The following TNRC6B variants were observed in gnomAD, a reference collection of about 807,000 sequenced individuals.
The protein encoded by TNRC6B is trinucleotide repeat-containing gene 6B protein.
TNRC6B carries 52 observed loss-of-function variants against 203.6 expected under a neutral mutation model. The observed-to-expected ratio is 0.26, with a 90% CI of 0.20 to 0.32. The LOEUF (loss-of-function observed/expected upper bound fraction) is 0.32, where lower values mean the gene tolerates loss of function less well. Among genes scored for constraint, TNRC6B ranks in the 10% least tolerant of loss-of-function variants. The probability of loss-of-function intolerance (pLI) is 1.00; values close to 1 mark genes in which losing one functional copy is unlikely to be tolerated. For missense variants in TNRC6B, 1,923 were observed against 2,286.2 expected (o/e 0.84, Z 3.24); for synonymous variants, 838 against 845.7 (o/e 0.99, Z 0.16).
Position 40,170,877 on chromosome 22 carries a change from ATG to A in TNRC6B, c.113+14701_113+14702del, listed in dbSNP as rs1441976709. ...TGTATATATACATATATGTACATAT[ATG>A]TGTGTATACATATATACCTATATAT... On this transcript the variant is annotated intron_variant, in intron 4 of 23. Coordinates refer to the TNRC6B transcript ENST00000301923. Among the ~76,000 whole-genome samples the A allele has an allele frequency of 3.7e-5, 5 of 133,720 alleles. No homozygotes were observed. In the South Asian group the frequency reaches 7.0e-4, roughly 19 times the overall value. The allele number at this position is 133,720 out of a possible 152,430, so 87.7% of individuals were successfully genotyped here.
chr22:40,203,515 T>A (rs2069440223), intron 1 of TNRC6B, among the ~76,000 whole-genome samples: 1 of 152,058 alleles, frequency 6.6e-6, no homozygotes, highest in Non-Finnish European at 1.5e-5. Context: ...GAAGGAAAAC[T>A]GAAGAAGGTA....
intron 3 of TNRC6B, among the ~76,000 whole-genome samples, chr22:40,133,603 T>A (rs1162485142): frequency 6.6e-6 from 1 of 151,992 alleles, no homozygotes; most frequent in East Asian, 1.9e-4. Context: ...GTTTCATGGT[T>A]TTTATTGGTT....
chr22:40,175,870 C>T (rs966310300), upstream of TNRC6B, among the ~76,000 whole-genome samples: 1 of 152,198 alleles, frequency 6.6e-6, no homozygotes, highest in African/African-American at 2.4e-5. Flanking sequence ...CCTTTCCTGT[C>T]GTCATATCTG....
At chr22:40,112,338 G>A (rs139890845) in intron 1 of TNRC6B, among the ~76,000 whole-genome samples, 21 of 152,282 alleles carry the variant, frequency 1.4e-4, no homozygotes, top group East Asian at 9.6e-4. Flanking sequence ...AGTTCAATCC[G>A]TGAAGCCAAG....
intron 2 of TNRC6B, among the ~76,000 whole-genome samples, chr22:40,247,809 C>G (rs1428012444): frequency 6.6e-6 from 1 of 152,142 alleles, no homozygotes; most frequent in Non-Finnish European, 1.5e-5. Flanking sequence ...GTGGCTCATG[C>G]CTGTAATCCC....
intron 12 of TNRC6B, among the ~76,000 whole-genome samples, chr22:40,288,364 T>A (rs1223336698): frequency 6.6e-6 from 1 of 152,182 alleles, no homozygotes; most frequent in African/African-American, 2.4e-5. Flanking sequence ...CTGTAGACAA[T>A]ATACTATTAA....
At chr22:40,205,057 T>G (rs2069462506) in intron 1 of TNRC6B, among the ~76,000 whole-genome samples, 1 of 152,208 alleles carries the variant, frequency 6.6e-6, no homozygotes, top group African/African-American at 2.4e-5. Context: ...CATATGTTAA[T>G]TTTCACAATG....
intron 4 of TNRC6B, among the ~76,000 whole-genome samples, chr22:40,263,607 G>T (rs773845833): frequency 6.6e-6 from 1 of 152,174 alleles, no homozygotes; most frequent in Non-Finnish European, 1.5e-5. Flanking sequence ...ACTTCAAATT[G>T]ATTAAAAGCT....
chr22:40,045,293 G>C lies in TNRC6B; in HGVS notation c.-121+295G>C, dbSNP rs560446455. Among the ~76,000 whole-genome samples the C allele has an allele frequency of 6.7e-3, 992 of 147,106 alleles. 4 individuals are homozygous for C. The highest frequency in any genetic ancestry group is 0.011 in the Admixed American group (164 of 14,900). On this transcript the variant is annotated intron_variant, in intron 1 of 23. Transcript: ENST00000301923. ...GTCGAGGGGCGGGGAGGGACTCGGG[G>C]CGACGTCCGGCGCGCGGGCCGGGGC...
intron 1 of TNRC6B, among the ~76,000 whole-genome samples, chr22:40,205,687 A>G (rs1190699442): frequency 6.6e-6 from 1 of 152,220 alleles, no homozygotes; most frequent in Non-Finnish European, 1.5e-5. Flanking sequence ...GGTTTACTGT[A>G]TTATCTAATT....
chr22:40,222,724 C>CTTT (rs1569027045), intron 1 of TNRC6B, among the ~76,000 whole-genome samples: 2 of 91,518 alleles, frequency 2.2e-5, no homozygotes, highest in South Asian at 4.3e-4. Context: ...TTCTCTCTCT[C>CTTT]TCTCTTTTTT....
At chr22:40,105,187 G>A (rs1389271065) in intron 1 of TNRC6B, among the ~76,000 whole-genome samples, 4 of 152,192 alleles carry the variant, frequency 2.6e-5, no homozygotes, top group Non-Finnish European at 5.9e-5. Context: ...CAGGCCATCC[G>A]AGGAATTTGG....
rs1197559673 is a variant in TNRC6B at position 40,281,233 on chromosome 22, G to A, written c.3526G>A (p.Val1176Ile). ...TCCCTCTGGTTCCACACTACCCAACGTCAGCCTTGGAGCAATCGGCACAGG... is the reference window on the plus strand; with the variant it reads ...TCCCTCTGGTTCCACACTACCCAACATCAGCCTTGGAGCAATCGGCACAGG... Reference protein sequence around the residue: ...LSPSGSTLPNVSLGAIGTGLN... With the variant: ...LSPSGSTLPNISLGAIGTGLN... The change falls in exon 11 of 23, where the codon GTC (valine) becomes ATC (isoleucine). Residue 1176 changes from valine (V) to isoleucine (I), a missense_variant. By Grantham distance (29) the Val-to-Ile change is conservative. Coordinates refer to ENST00000454349, the MANE Select transcript of TNRC6B (RefSeq NM_001162501.2). 8 of 1,551,372 alleles carry A rather than the reference G, an allele frequency of 5.2e-6. No individual in the cohort carries two copies. Among genetic ancestry groups the A allele is most frequent in the South Asian group, 1.2e-5 (1 of 84,004 alleles).
chr22:40,332,814 T>C lies in TNRC6B; in HGVS notation c.*9573T>C, dbSNP rs1162886888. ...GATTATCCTTTTTAAAATATGAACA[T>C]GTAAATAGCAGGATAACTTTAAAAA... On this transcript the variant is annotated 3_prime_UTR_variant, in exon 23 of 23. Coordinates refer to ENST00000454349, the MANE Select transcript of TNRC6B (RefSeq NM_001162501.2). The C allele has an allele frequency of 6.6e-6, 1 of 152,642 alleles. No individual in the cohort carries two copies. Among genetic ancestry groups the C allele is most frequent in the Non-Finnish European group, 1.5e-5 (1 of 68,032 alleles). 9.5% of individuals were successfully genotyped at this position (152,642 alleles called of 1,614,324 possible). A position where few individuals can be genotyped will look rare whatever the true frequency, so the allele number is the denominator to read the frequency against.
intron 11 of TNRC6B, among the ~76,000 whole-genome samples, chr22:40,284,614 T>C (rs2070759585): frequency 6.6e-6 from 1 of 152,168 alleles, no homozygotes; most frequent in African/African-American, 2.4e-5. Flanking sequence ...AGGGAAAGAT[T>C]TAACAGTAGA....
intron 1 of TNRC6B, among the ~76,000 whole-genome samples, chr22:40,072,222 C>G (rs1333360158): frequency 1.3e-5 from 2 of 152,104 alleles, no homozygotes; most frequent in African/African-American, 4.8e-5. Context: ...AATTATTGAT[C>G]TATTTAATGA....
intron 7 of TNRC6B, among the ~76,000 whole-genome samples, chr22:40,276,445 C>T (rs2146516596): frequency 6.6e-6 from 1 of 152,308 alleles, no homozygotes; most frequent in Non-Finnish European, 1.5e-5. Context: ...CCCCCTGCTT[C>T]CCTCACAGAA....
chr22:40,149,949 C>A (rs2068733617), intron 3 of TNRC6B, among the ~76,000 whole-genome samples: 1 of 151,926 alleles, frequency 6.6e-6, no homozygotes, highest in Admixed American at 6.6e-5. Context: ...CAGGCATGAG[C>A]TACTGCACCT....
intron 3 of TNRC6B, among the ~76,000 whole-genome samples, chr22:40,133,231 A>G (rs2068568673): frequency 6.6e-6 from 1 of 151,810 alleles, no homozygotes; most frequent in Admixed American, 6.6e-5. Context: ...GGGAGGTTTC[A>G]GCTCTATTGT....
Sources: allele counts gnomAD v4.1 joint callset (sites outside exome capture counted in the v4.1 genomes callset), GRCh38; gene constraint gnomAD v4.1.1; transcripts MANE v1.5; gene names NCBI Gene and HGNC (gene_info 2026-07-23, HGNC 2026-07-21).